DNAH7: variants seen among roughly 807,000 people sequenced by gnomAD.
DNAH7 encodes axonemal beta dynein heavy chain 7.
DNAH7 carries 397 observed loss-of-function variants against 444.6 expected under a neutral mutation model. The ratio of observed to expected loss-of-function variants is 0.89; its 90% CI spans 0.82 to 0.97. The LOEUF (loss-of-function observed/expected upper bound fraction) is 0.97, where lower values mean the gene tolerates loss of function less well. Among genes scored for constraint, DNAH7 ranks in the 50% least tolerant of loss-of-function variants. The pLI, the probability that DNAH7 is intolerant of heterozygous loss-of-function variation, is 0.00. For synonymous variants in DNAH7, 1,636 were observed against 1,624.4 expected (o/e 1.01, Z -0.17); for missense variants, 4,902 against 4,800.8 (o/e 1.02, Z -0.62).
intron 5 of DNAH7, among the ~76,000 whole-genome samples, chr2:196,043,537 T>C (rs868324300): frequency 2.0e-5 from 3 of 151,992 alleles, no homozygotes; most frequent in Non-Finnish European, 4.4e-5. Flanking sequence ...CAAAAGTACA[T>C]GCAACAGAAA....
chr2:195,937,269 TGAGG>T (rs1309045889), intron 19 of DNAH7, among the ~76,000 whole-genome samples: 1 of 152,080 alleles, frequency 6.6e-6, no homozygotes, highest in Middle Eastern at 3.2e-3. Context: ...GTTGAGGAAA[TGAGG>T]AAGAAAGCTT....
chr2:195,760,667 A>C (rs1459971630), intron 61 of DNAH7, among the ~76,000 whole-genome samples: 1 of 152,180 alleles, frequency 6.6e-6, no homozygotes, highest in African/African-American at 2.4e-5. Context: ...ACCTTATCCA[A>C]GACCACCAAG....
chr2:195,890,658 A>G (rs1041602272), intron 31 of DNAH7, among the ~76,000 whole-genome samples: 9 of 152,270 alleles, frequency 5.9e-5, no homozygotes, highest in Non-Finnish European at 1.0e-4. Context: ...ACTTGTGCCC[A>G]CAATTTCTTT....
intron 1 of DNAH7, among the ~76,000 whole-genome samples, chr2:196,068,013 A>C (rs1017921995): frequency 6.6e-6 from 1 of 152,226 alleles, no homozygotes; most frequent in African/African-American, 2.4e-5. Flanking sequence ...ATAAAGAAAG[A>C]ATTCTTAGAA....
At chr2:195,934,514 C>A in intron 21 of DNAH7, 77 bp downstream of exon 21, 1 of 1,433,336 alleles carries the variant, frequency 7.0e-7, no homozygotes, top group South Asian at 1.2e-5. Context: ...AATAACAGTA[C>A]ATTTATCAAC....
chr2:195,843,802 A>C (rs183416579), intron 47 of DNAH7, among the ~76,000 whole-genome samples: 2 of 152,344 alleles, frequency 1.3e-5, no homozygotes, highest in East Asian at 3.9e-4. Context: ...GATTTTCATA[A>C]ATACTATGTA....
chr2:195,972,189 G>C (rs1691890786), intron 16 of DNAH7, 53 bp downstream of exon 16: 2 of 1,477,492 alleles, frequency 1.4e-6, no homozygotes, highest in Middle Eastern at 2.1e-4. Context: ...TACATAAAAA[G>C]ATAAAAACAA....
At position 195,816,809 on chromosome 2, in the gene DNAH7, T is replaced by C; in HGVS notation, c.9580A>G (p.Lys3194Glu). 2 of 1,614,164 alleles carry C rather than the reference T, an allele frequency of 1.2e-6. No individual in the cohort carries two copies. Among genetic ancestry groups the C allele is most frequent in the African/African-American group, 2.7e-5 (2 of 75,062 alleles). Residue 3194 changes from lysine (K) to glutamate (E), a missense_variant, in exon 51 of 65, where the codon AAA becomes GAA. Lys to Glu is a moderately conservative substitution (Grantham distance 56). Coordinates refer to ENST00000312428, the MANE Select transcript of DNAH7 (RefSeq NM_018897.3). The stretch of plus-strand genomic sequence containing the variant: ...CCCATGCGGGTGGTGTCAATCTTTT[T>C]CTCTGTCTCTTCGGCTACTTCCTGC... ...QKQEVAEETE[K>E]KIDTTRMGYR...
At chr2:195,860,152 A>G (rs982362448) in intron 42 of DNAH7, among the ~76,000 whole-genome samples, 1 of 152,198 alleles carries the variant, frequency 6.6e-6, no homozygotes, top group African/African-American at 2.4e-5. Flanking sequence ...TCAACCTGTA[A>G]GTTTGAACTT....
At chr2:195,831,233 C>T (rs1200508998) in intron 48 of DNAH7, among the ~76,000 whole-genome samples, 1 of 152,110 alleles carries the variant, frequency 6.6e-6, no homozygotes, top group African/African-American at 2.4e-5. Context: ...TACAGATGTA[C>T]CTTTATTTTC....
chr2:195,855,881 T>C lies in DNAH7; in HGVS notation c.8525A>G (p.Gln2842Arg). ...GTCTTGAAGCCTGGCCAGCTTGTCC[T>C]GAACTTCCTTAAGGGCTGCCTGCTT... is the stretch of plus-strand genomic sequence containing the variant. The part of the protein sequence containing the change: ...RKKQAALKEV[Q>R]DKLARLQDTL... The change falls in exon 45 of 65, where the codon CAG becomes CGG. Residue 2842 changes from glutamine to arginine, a missense_variant. By Grantham distance (43) the Gln-to-Arg change is conservative (BLOSUM62 1). Transcript: ENST00000312428. 1.9e-6 allele frequency: 3 copies of C among 1,614,086 alleles called. No homozygotes were observed. The highest frequency in any genetic ancestry group is 1.3e-5 in the African/African-American group (1 of 75,040).
rs1468886127 is a variant in DNAH7 at position 195,771,747 on chromosome 2, G to A, written c.11346C>T (p.Asn3782=). 17 of 1,614,146 alleles carry A rather than the reference G, an allele frequency of 1.1e-5. No individual in the cohort carries two copies. The highest frequency in any genetic ancestry group is 3.3e-5 in the Admixed American group (2 of 60,026). The change falls in exon 61 of 65, where the codon AAC becomes AAT. Residue 3782 remains asparagine, a synonymous_variant. Transcript: ENST00000312428. The part of the protein sequence containing the change: ...RYPTTYTQSM[N]TVLVQEMGRF... ...GTCCCATCTCTTGGACAAGTACAGT[G>A]TTCATGCTCTGAGTATAAGTTGTTG...
intron 48 of DNAH7, among the ~76,000 whole-genome samples, chr2:195,833,237 A>C (rs182305026): frequency 2.6e-5 from 4 of 152,334 alleles, no homozygotes; most frequent in African/African-American, 9.6e-5. Flanking sequence ...AAGAACACCA[A>C]TTAAATGAAT....
At chr2:195,764,036 C>T (rs1694462813) in intron 61 of DNAH7, among the ~76,000 whole-genome samples, 1 of 151,846 alleles carries the variant, frequency 6.6e-6, no homozygotes, top group Admixed American at 6.6e-5. Flanking sequence ...ATACATTCAT[C>T]ATGATCAAGT....
intron 15 of DNAH7, among the ~76,000 whole-genome samples, chr2:195,977,766 C>T (rs1692300714): frequency 6.6e-6 from 1 of 151,938 alleles, no homozygotes; most frequent in Admixed American, 6.6e-5. Context: ...ATAAACAACC[C>T]CCAATGGAGC....
At chr2:196,010,617 G>A (rs1027769486) in intron 10 of DNAH7, among the ~76,000 whole-genome samples, 2 of 152,114 alleles carry the variant, frequency 1.3e-5, no homozygotes, top group African/African-American at 2.4e-5. Flanking sequence ...AGAGATAGCT[G>A]TACTCCCATG....
chr2:196,046,187 G>C (rs1221583108), intron 5 of DNAH7, among the ~76,000 whole-genome samples: 1 of 152,164 alleles, frequency 6.6e-6, no homozygotes, highest in African/African-American at 2.4e-5. Flanking sequence ...AATAAATTAA[G>C]TAGACAGGCA....
intron 10 of DNAH7, among the ~76,000 whole-genome samples, chr2:196,003,373 G>C (rs1409373822): frequency 6.6e-6 from 1 of 152,086 alleles, no homozygotes; most frequent in Non-Finnish European, 1.5e-5. Flanking sequence ...CTGCAGAACT[G>C]GAAAGAGGAC....
At position 195,859,590 on chromosome 2, in the gene DNAH7, G is replaced by C. The variant is rs567529945; in HGVS notation, c.7737-786C>G. Among the ~76,000 whole-genome samples, 25 of 152,166 alleles carry C rather than the reference G, an allele frequency of 1.6e-4. 1 individual carries two copies. Among genetic ancestry groups the C allele is most frequent in the African/African-American group, 5.5e-4 (23 of 41,528 alleles). ...AAAATCCCCTTCAAAAAACAGACTG[G>C]AGTAGTAAGGAACTGGCTTGAGCTG... On this transcript the variant is annotated intron_variant, in intron 42 of 64. Transcript: ENST00000312428.
Sources: allele counts gnomAD v4.1 joint callset (sites outside exome capture counted in the v4.1 genomes callset), GRCh38; gene constraint gnomAD v4.1.1; transcripts MANE v1.5; gene names NCBI Gene and HGNC (gene_info 2026-07-23, HGNC 2026-07-21).